The following MAP3K15 variants were observed in gnomAD, a reference collection of about 807,000 sequenced individuals.
MAP3K15 encodes mitogen-activated protein kinase kinase kinase 15.
A neutral mutation model predicts 99.5 loss-of-function variants in MAP3K15; 124 were observed. The ratio of observed to expected loss-of-function variants is 1.25; its 90% CI spans 1.08 to 1.45. The LOEUF is 1.45. MAP3K15 is among the 40% of genes most tolerant of loss of function. The pLI, the probability that MAP3K15 is intolerant of heterozygous loss-of-function variation, is 0.00. For missense variants in MAP3K15, 1,242 were observed against 1,079.7 expected (o/e 1.15, Z -2.11); for synonymous variants, 494 against 439.6 (o/e 1.12, Z -1.55).
chrX:19,396,926 G>T (rs1054484871), intron 15 of MAP3K15, among the ~76,000 whole-genome samples: 1 of 107,350 alleles, frequency 9.3e-6, no homozygotes, highest in East Asian at 2.9e-4. Flanking sequence ...TTGAGACAGG[G>T]TCTCACTCTG....
chrX:19,364,145 C>A (rs925839150), intron 25 of MAP3K15, among the ~76,000 whole-genome samples: 1 of 111,968 alleles, frequency 8.9e-6, no homozygotes, highest in African/African-American at 3.3e-5. Context: ...GTTCTAAACC[C>A]CTGTTTTGAA....
intron 1 of MAP3K15, among the ~76,000 whole-genome samples, chrX:19,509,623 T>G (rs2064504450): frequency 8.9e-6 from 1 of 111,736 alleles, no homozygotes. Context: ...TAGCACTAAA[T>G]GCCCACAAGA....
In MAP3K15 at chrX:19,463,274, C is replaced by T. The variant is rs532121284; in HGVS notation, c.719+939G>A. Reference sequence around the variant, plus strand: ...AGGTCTGTATCCAGGGAAGAGGTGACGGGATAGAAAAGGAGACCATTAATA... The same window carrying T: ...AGGTCTGTATCCAGGGAAGAGGTGATGGGATAGAAAAGGAGACCATTAATA... On this transcript the variant is annotated intron_variant, in intron 4 of 28. Transcript: ENST00000338883. 4.0e-4 allele frequency among the ~76,000 whole-genome samples: 45 copies of T among 111,671 alleles called. 1 individual carries two copies. In the South Asian group the frequency reaches 0.017, roughly 41 times the overall value.
chrX:19,498,478 T>A (rs2064420823), intron 1 of MAP3K15, among the ~76,000 whole-genome samples: 1 of 111,853 alleles, frequency 8.9e-6, no homozygotes, highest in South Asian at 3.8e-4. Context: ...CTCAGACCTA[T>A]AAAGCAAATG....
At chrX:19,377,523 GAC>G (rs891967969) in intron 19 of MAP3K15, among the ~76,000 whole-genome samples, 2 of 110,425 alleles carry the variant, frequency 1.8e-5, no homozygotes, top group Non-Finnish European at 3.8e-5. Flanking sequence ...CAGTCTGGGC[GAC>G]AGAGTGAGAC....
At chrX:19,483,020 G>A (rs1023368850) in intron 3 of MAP3K15, among the ~76,000 whole-genome samples, 27 of 109,985 alleles carry the variant, frequency 2.5e-4, no homozygotes, top group Non-Finnish European at 4.6e-4. Flanking sequence ...AGGCCAACGC[G>A]GGCGGATCAT....
intron 5 of MAP3K15, 82 bp downstream of exon 5, chrX:19,459,903 A>G (rs1052889622): frequency 5.5e-6 from 4 of 730,527 alleles, no homozygotes; most frequent in Non-Finnish European, 7.6e-6. Context: ...CCACATACTG[A>G]GTATACAAAT....
chrX:19,431,940 CTTTTTT>C (rs773036480), intron 6 of MAP3K15, among the ~76,000 whole-genome samples: 1 of 81,057 alleles, frequency 1.2e-5, no homozygotes, highest in Non-Finnish European at 2.4e-5. Flanking sequence ...TGAGACCCTG[CTTTTTT>C]TTTTTTTTTT....
chrX:19,411,574 CAAAT>C (rs1032031529), intron 11 of MAP3K15, among the ~76,000 whole-genome samples: 4 of 111,026 alleles, frequency 3.6e-5, no homozygotes, highest in African/African-American at 6.6e-5. Context: ...GTTATGAAGA[CAAAT>C]AAAGTAGGGA....
intron 3 of MAP3K15, among the ~76,000 whole-genome samples, chrX:19,467,173 A>C (rs2064174678): frequency 9.0e-6 from 1 of 111,069 alleles, no homozygotes; most frequent in Non-Finnish European, 1.9e-5. Flanking sequence ...TTATTCAAGA[A>C]AATCTAAATC....
intron 19 of MAP3K15, among the ~76,000 whole-genome samples, chrX:19,376,577 C>A (rs941922185): frequency 1.8e-5 from 2 of 110,917 alleles, no homozygotes; most frequent in African/African-American, 6.6e-5. Flanking sequence ...TCCTGAGTAG[C>A]TGGGACCACA....
At chrX:19,486,981 G>A (rs1038637745) in intron 2 of MAP3K15, among the ~76,000 whole-genome samples, 3 of 110,927 alleles carry the variant, frequency 2.7e-5, no homozygotes, top group East Asian at 5.7e-4. Flanking sequence ...CCTTCCTACA[G>A]AAGGGGTGTT....
chrX:19,397,052 A>G (rs988827966), intron 15 of MAP3K15, among the ~76,000 whole-genome samples: 14 of 109,524 alleles, frequency 1.3e-4, no homozygotes, highest in Admixed American at 9.8e-4. Context: ...GGTGTGCGCC[A>G]CCATGCCCAC....
At position 19,374,665 on chromosome X, in the gene MAP3K15, A is replaced by C. The variant is rs1014154013; in HGVS notation, c.2590-5T>G. The stretch of plus-strand genomic sequence containing the variant: ...GTGGATCTTAAACATGCCCACCTGC[A>C]TTTAAGGGAGAGGTAACCGATGTGT... On this transcript the variant is annotated splice_region_variant and splice_polypyrimidine_tract_variant and intron_variant, in intron 19 of 28. Transcript: ENST00000338883. 6.6e-6 allele frequency: 8 copies of C among 1,204,407 alleles called. No homozygotes were observed. Among genetic ancestry groups the C allele is most frequent in the Admixed American group, 2.2e-5 (1 of 45,405 alleles).
chrX:19,374,925 G>A (rs1372362163), intron 19 of MAP3K15, among the ~76,000 whole-genome samples: 1 of 111,422 alleles, frequency 9.0e-6, no homozygotes, highest in Non-Finnish European at 1.9e-5. Context: ...AAGAGGTCTT[G>A]TGGCTCCGCT....
At chrX:19,437,750 C>T (rs983008547) in intron 6 of MAP3K15, among the ~76,000 whole-genome samples, 3 of 111,779 alleles carry the variant, frequency 2.7e-5, no homozygotes, top group Non-Finnish European at 5.6e-5. Flanking sequence ...TTGTTAACTA[C>T]TGTACTTAGA....
Position 19,397,644 on chromosome X carries a change from G to A in MAP3K15, c.2066+582C>T, listed in dbSNP as rs138483247. 7.1e-3 allele frequency among the ~76,000 whole-genome samples: 786 copies of A among 111,191 alleles called. 4 individuals are homozygous for A. Among genetic ancestry groups the A allele is most frequent in the Middle Eastern group, 0.023 (5 of 214 alleles). On this transcript the variant is annotated intron_variant, in intron 15 of 28. Transcript: ENST00000338883. The stretch of plus-strand genomic sequence containing the variant: ...TGTATATATATTTGCAAACAACTAC[G>A]CAAAAAATGTAAAACTTTAGACCTA...
chrX:19,384,764 A>AC lies in MAP3K15; in HGVS notation c.2432-4488_2432-4487insG, dbSNP rs1336905367. Among the ~76,000 whole-genome samples the AC allele has an allele frequency of 9.9e-3, 1,018 of 103,040 alleles. 6 individuals are homozygous for AC. The highest frequency in any genetic ancestry group is 0.024 in the Middle Eastern group (5 of 209). The allele number at this position is 103,040 out of a possible 115,157, so 89.5% of individuals were successfully genotyped here. Reference sequence around the variant, plus strand: ...TGTCTCAGGGGAAAAAAAAAAAAAAAAAAAAAAAAAAAAAAACTGTACATT... The same window carrying AC: ...TGTCTCAGGGGAAAAAAAAAAAAAAACAAAAAAAAAAAAAAAACTGTACATT... On this transcript the variant is annotated intron_variant, in intron 18 of 28. Coordinates refer to ENST00000338883, the MANE Select transcript of MAP3K15 (RefSeq NM_001001671.4).
intron 18 of MAP3K15, among the ~76,000 whole-genome samples, chrX:19,386,324 C>T (rs1010413097): frequency 3.6e-5 from 4 of 111,050 alleles, no homozygotes; most frequent in African/African-American, 9.8e-5. Flanking sequence ...GGCATGGTGG[C>T]GTGTGCCTGT....
Sources: allele counts gnomAD v4.1 joint callset (sites outside exome capture counted in the v4.1 genomes callset), GRCh38; gene constraint gnomAD v4.1.1; transcripts MANE v1.5; gene names NCBI Gene and HGNC (gene_info 2026-07-23, HGNC 2026-07-21).